RBFOX1: variants seen among roughly 807,000 people sequenced by gnomAD.
RBFOX1 encodes RNA binding protein fox-1 homolog 1.
A neutral mutation model predicts 57.7 loss-of-function variants in RBFOX1; 8 were observed. The observed-to-expected ratio is 0.14, with a 90% CI of 0.08 to 0.25. The LOEUF is 0.25. Ranked by LOEUF, RBFOX1 falls within the 10% of genes least tolerant of loss-of-function variation. The probability of loss-of-function intolerance (pLI) is 1.00; values close to 1 mark genes in which losing one functional copy is unlikely to be tolerated. For missense variants in RBFOX1, 611 were observed against 548.5 expected (o/e 1.11, Z -1.14); for synonymous variants, 326 against 222.4 (o/e 1.47, Z -4.15).
At chr16:7,409,153 G>A (rs562240292) in intron 4 of RBFOX1, among the ~76,000 whole-genome samples, 5 of 152,184 alleles carry the variant, frequency 3.3e-5, no homozygotes, top group South Asian at 2.1e-4. Flanking sequence ...ATCAGGTTCC[G>A]GGAGCTGGAG....
At chr16:5,580,745 C>T (rs2046638143) in intron 2 of RBFOX1, among the ~76,000 whole-genome samples, 1 of 152,312 alleles carries the variant, frequency 6.6e-6, no homozygotes, top group East Asian at 1.9e-4. Flanking sequence ...GACTCCTACA[C>T]TTAGGTTTAA....
In RBFOX1 at chr16:5,936,389, G is replaced by A. The variant is rs2059169773; in HGVS notation, c.351+69054G>A. Among the ~76,000 whole-genome samples, 3 of 152,156 alleles carry A rather than the reference G, an allele frequency of 2.0e-5. No individual in the cohort carries two copies. The South Asian group carries it at 6.2e-4, about 31-fold the overall frequency. On this transcript the variant is annotated intron_variant, in intron 4 of 19. Transcript: ENST00000641259. ...TCCACCTACCTTAGCCTCCCACAGT[G>A]CTGGGATTACAAGTATGAGCCACTG...
rs192411677 is a variant in RBFOX1, at chr16:7,614,150, C to G, written c.676+6812C>G. On this transcript the variant is annotated intron_variant, in intron 10 of 15. Transcript: ENST00000550418. Reference sequence around the variant, plus strand: ...CCTCATGAACCATTGACCTTTGGCTCTGGGATGTTTTGCATAGTTTACGCA... The same window carrying G: ...CCTCATGAACCATTGACCTTTGGCTGTGGGATGTTTTGCATAGTTTACGCA... The G allele has an allele frequency of 5.3e-5, 8 of 152,288 alleles. No individual in the cohort carries two copies. In the East Asian group the frequency reaches 1.4e-3, roughly 26 times the overall value. The allele number at this position is 152,288 out of a possible 1,614,324, so 9.4% of individuals were successfully genotyped here.
At position 5,917,094 on chromosome 16, in the gene RBFOX1, T is replaced by C. The variant is rs564072622; in HGVS notation, c.351+49759T>C. On this transcript the variant is annotated intron_variant, in intron 4 of 19. Coordinates refer to the RBFOX1 transcript ENST00000641259. The stretch of plus-strand genomic sequence containing the variant: ...GGCGTGGCCCCACTTGAACCTGCTC[T>C]ACAGTCTGGAATTTGTGGGTCTGTT... Among the ~76,000 whole-genome samples, 3 of 152,250 alleles carry C rather than the reference T, an allele frequency of 2.0e-5. No individual in the cohort carries two copies. In the South Asian group the frequency reaches 6.2e-4, roughly 32 times the overall value.
At chr16:5,586,016 C>T (rs1003782498) in intron 2 of RBFOX1, among the ~76,000 whole-genome samples, 6 of 152,094 alleles carry the variant, frequency 3.9e-5, no homozygotes, top group African/African-American at 9.7e-5. Flanking sequence ...CTAAATCCAA[C>T]GACTGGTGTC....
At chr16:5,455,164 C>G (rs1239210748) in intron 1 of RBFOX1, among the ~76,000 whole-genome samples, 2 of 151,762 alleles carry the variant, frequency 1.3e-5, no homozygotes, top group East Asian at 3.9e-4. Flanking sequence ...TGACTCTACT[C>G]CACATGTCTT....
At chr16:7,181,194 G>T (rs537365509) in intron 4 of RBFOX1, among the ~76,000 whole-genome samples, 145 of 152,214 alleles carry the variant, frequency 9.5e-4, no homozygotes, top group African/African-American at 3.1e-3. Flanking sequence ...TGAACCTTGC[G>T]TAGTCACAAT....
chr16:7,273,222 C>CTTCG (rs1244930716), intron 4 of RBFOX1, among the ~76,000 whole-genome samples: 16 of 130,672 alleles, frequency 1.2e-4, no homozygotes, highest in Admixed American at 1.1e-3. Flanking sequence ...TCCTTCCTTC[C>CTTCG]TTCCTTCCTT....
intron 4 of RBFOX1, among the ~76,000 whole-genome samples, chr16:5,875,417 T>A (rs2057579960): frequency 6.6e-6 from 1 of 152,182 alleles, no homozygotes; most frequent in Admixed American, 6.5e-5. Flanking sequence ...CTCGGGCAAA[T>A]GACTTAATCT....
intron 3 of RBFOX1, among the ~76,000 whole-genome samples, chr16:6,797,371 T>A (rs754568461): frequency 6.6e-6 from 1 of 152,028 alleles, no homozygotes; most frequent in Non-Finnish European, 1.5e-5. Context: ...GAGTGGAGAT[T>A]ATTAACAGGT....
At chr16:6,844,176 T>G (rs1461124186) in intron 3 of RBFOX1, among the ~76,000 whole-genome samples, 1 of 151,986 alleles carries the variant, frequency 6.6e-6, no homozygotes, top group African/African-American at 2.4e-5. Context: ...TTATAGCTTC[T>G]GGAGGAATCT....
chr16:5,518,340 A>G (rs539318070), intron 2 of RBFOX1, among the ~76,000 whole-genome samples: 128 of 142,268 alleles, frequency 9.0e-4, no homozygotes, highest in African/African-American at 1.6e-3. Flanking sequence ...ACCATTTTCA[A>G]TCTCCAAAGT....
intron 4 of RBFOX1, among the ~76,000 whole-genome samples, chr16:5,953,703 C>CA (rs1236313233): frequency 2.9e-4 from 31 of 105,826 alleles, no homozygotes; most frequent in African/African-American, 1.1e-3. Flanking sequence ...AGTCTTCTGT[C>CA]TTATATATAT....
chr16:5,336,085 G>A (rs544282907), intron 1 of RBFOX1, among the ~76,000 whole-genome samples: 48 of 152,232 alleles, frequency 3.2e-4, no homozygotes, highest in African/African-American at 1.2e-3. Flanking sequence ...AGGAGGTGTG[G>A]CTGCAGAGTC....
rs183037042 is a variant in RBFOX1 at position 6,832,432 on chromosome 16, T to C, written c.-16+177782T>C. Among the ~76,000 whole-genome samples, 8 of 152,286 alleles carry C rather than the reference T, an allele frequency of 5.3e-5. No individual in the cohort carries two copies. In the East Asian group the frequency reaches 1.5e-3, roughly 29 times the overall value. On this transcript the variant is annotated intron_variant, in intron 3 of 15. Transcript: ENST00000550418. ...GACTGAGGGGTCTGCATTACTCATA[T>C]TTGCGATGAAAATGGTGCCAAAACC...
intron 3 of RBFOX1, among the ~76,000 whole-genome samples, chr16:6,911,409 C>T (rs916163617): frequency 6.6e-6 from 1 of 152,116 alleles, no homozygotes; most frequent in Admixed American, 6.5e-5. Context: ...GTTCCATGCC[C>T]CTCCCTGTGG....
chr16:5,645,735 A>T (rs906187973), intron 3 of RBFOX1, among the ~76,000 whole-genome samples: 2 of 152,202 alleles, frequency 1.3e-5, no homozygotes, highest in Admixed American at 1.3e-4. Context: ...GTGCAATCAG[A>T]GCTGACTGTA....
At chr16:6,118,458 T>C (rs571739016) in intron 1 of RBFOX1, among the ~76,000 whole-genome samples, 43 of 152,302 alleles carry the variant, frequency 2.8e-4, no homozygotes, top group African/African-American at 1.0e-3. Context: ...AGATGGCATC[T>C]TGTTGCCATG....
intron 1 of RBFOX1, among the ~76,000 whole-genome samples, chr16:6,268,697 T>C (rs2074843401): frequency 6.6e-6 from 1 of 152,198 alleles, no homozygotes; most frequent in Non-Finnish European, 1.5e-5. Context: ...AAGAGTCAGG[T>C]GTTTGTTCTT....
Sources: allele counts gnomAD v4.1 joint callset (sites outside exome capture counted in the v4.1 genomes callset), GRCh38; gene constraint gnomAD v4.1.1; transcripts MANE v1.5; gene names NCBI Gene and HGNC (gene_info 2026-07-23, HGNC 2026-07-21).